The following BTRC variants were observed in gnomAD, a reference collection of about 807,000 sequenced individuals.
BTRC encodes beta-transducin repeat containing E3 ubiquitin protein ligase, also known as F-box/WD repeat-containing protein 1A.
In BTRC, 42 loss-of-function variants were observed where a neutral mutation model predicts 85.5. The ratio of observed to expected loss-of-function variants is 0.49; its 90% confidence interval spans 0.38 to 0.64. BTRC has a LOEUF of 0.64. BTRC is among the 30% of genes least tolerant of loss of function. BTRC has a pLI of 0.00. For synonymous variants in BTRC, 255 were observed against 263.3 expected (o/e 0.97, Z 0.30); for missense variants, 594 against 743.5 (o/e 0.80, Z 2.34).
At chr10:101,484,282 C>CGGAT (rs1180875454) in intron 4 of BTRC, among the ~76,000 whole-genome samples, 1 of 152,086 alleles carries the variant, frequency 6.6e-6, no homozygotes, top group Non-Finnish European at 1.5e-5. Context: ...AAATTATATC[C>CGGAT]GCAGGAAACA....
intron 1 of BTRC, among the ~76,000 whole-genome samples, chr10:101,427,996 G>C (rs1173609049): frequency 2.0e-5 from 3 of 152,092 alleles, no homozygotes; most frequent in African/African-American, 7.2e-5. Context: ...CAACAGCAAG[G>C]AAGCTTTTTT....
chr10:101,510,584 A>AAT (rs1343292678), intron 4 of BTRC, among the ~76,000 whole-genome samples: 2 of 152,066 alleles, frequency 1.3e-5, no homozygotes, highest in African/African-American at 4.8e-5. Flanking sequence ...TAGAGAGTAT[A>AAT]ATATAGACTT....
rs1342006621 is a variant in BTRC at position 101,550,851 on chromosome 10, C to T, written c.1809C>T (p.Ile603=). 1 of 1,613,648 alleles carries T rather than the reference C, an allele frequency of 6.2e-7. No individual in the cohort carries two copies. The highest frequency in any genetic ancestry group is 8.5e-7 in the Non-Finnish European group (1 of 1,179,652). ...CCCCTTCTCGAACATACACCTACAT[C>T]TCCAGATAAATAACCATACACTGAC... ...PRSPSRTYTY[I]SR The change falls in exon 14 of 15, where the codon ATC becomes ATT. Residue 603 remains isoleucine, a synonymous_variant. Transcript: ENST00000370187.
intron 2 of BTRC, among the ~76,000 whole-genome samples, chr10:101,444,691 G>A (rs1229846373): frequency 6.6e-6 from 1 of 152,162 alleles, no homozygotes; most frequent in Non-Finnish European, 1.5e-5. Context: ...ATTACAAATA[G>A]CACCCTCAGT....
At chr10:101,394,115 ATAT>A (rs1057490528) in intron 1 of BTRC, among the ~76,000 whole-genome samples, 18 of 152,298 alleles carry the variant, frequency 1.2e-4, no homozygotes, top group African/African-American at 4.1e-4. Flanking sequence ...TATTTAGAAG[ATAT>A]TATGGAGCTA....
rs1459944253 is a variant in BTRC, at chr10:101,526,028, A to C, written c.572A>C (p.His191Pro). ...CTACTGAAAGCTCGGGGATTGGATCATATTGCTGAGAACATTCTGTCATAC... is the reference window on the plus strand; with the variant it reads ...CTACTGAAAGCTCGGGGATTGGATCCTATTGCTGAGAACATTCTGTCATAC... The part of the protein sequence containing the change: ...ITALPARGLD[H>P]IAENILSYLD... Residue 191 changes from histidine (H) to proline (P), a missense_variant, in exon 6 of 15, where the codon CAT (histidine) becomes CCT (proline). His to Pro is a moderately conservative substitution (Grantham distance 77). Coordinates refer to ENST00000370187, the MANE Select transcript of BTRC (RefSeq NM_033637.4). The C allele has an allele frequency of 5.0e-6, 8 of 1,613,962 alleles. No homozygotes were observed. The East Asian group carries it at 1.8e-4, about 36-fold the overall frequency.
At chr10:101,543,615 C>CT (rs60958588) in intron 13 of BTRC, among the ~76,000 whole-genome samples, 46,932 of 146,998 alleles carry the variant, frequency 0.32, 9,522 homozygotes, top group East Asian at 0.66. Context: ...TTTTCATGCT[C>CT]TTTTTTTTTT....
At chr10:101,455,215 TA>T (rs1176554076) in intron 2 of BTRC, among the ~76,000 whole-genome samples, 1 of 134,526 alleles carries the variant, frequency 7.4e-6, no homozygotes, top group Admixed American at 7.8e-5. Context: ...TATGCCCAGC[TA>T]ATTTTTTTTT....
chr10:101,448,266 C>T (rs1466707567), intron 2 of BTRC, among the ~76,000 whole-genome samples: 1 of 152,036 alleles, frequency 6.6e-6, no homozygotes, highest in Non-Finnish European at 1.5e-5. Context: ...GGAGAAAAAA[C>T]ATCTTTTAAA....
intron 4 of BTRC, among the ~76,000 whole-genome samples, chr10:101,495,626 G>A (rs1946239748): frequency 6.6e-6 from 1 of 152,060 alleles, no homozygotes; most frequent in African/African-American, 2.4e-5. Context: ...GCTCTTCTGT[G>A]GCAAAAATTT....
chr10:101,427,160 C>T (rs1334993371), intron 1 of BTRC, among the ~76,000 whole-genome samples: 2 of 140,646 alleles, frequency 1.4e-5, no homozygotes, highest in Non-Finnish European at 3.0e-5. Flanking sequence ...GTTCTGTCGC[C>T]AGGCTGGAGT....
intron 1 of BTRC, among the ~76,000 whole-genome samples, chr10:101,379,405 G>A (rs537499108): frequency 3.6e-4 from 55 of 152,032 alleles, no homozygotes; most frequent in Non-Finnish European, 6.6e-4. Flanking sequence ...GAAAGCATTC[G>A]TGTTAAAAAG....
rs1008463055 is a variant in BTRC, at chr10:101,553,551, C to G, written c.*428C>G. On this transcript the variant is annotated 3_prime_UTR_variant, in exon 15 of 15. Coordinates refer to ENST00000370187, the MANE Select transcript of BTRC (RefSeq NM_033637.4). ...CCTGTATAGCCTGCTGGGAGAGACC[C>G]ACTTCTAGGGTATGGGGGATGCAGC... 1.3e-5 allele frequency: 2 copies of G among 152,600 alleles called. No homozygotes were observed. Among genetic ancestry groups the G allele is most frequent in the Admixed American group, 1.3e-4 (2 of 15,274 alleles). 9.5% of individuals were successfully genotyped at this position (152,600 alleles called of 1,614,324 possible). A position where few individuals can be genotyped will look rare whatever the true frequency, so the allele number is the denominator to read the frequency against.
intron 4 of BTRC, among the ~76,000 whole-genome samples, chr10:101,508,294 C>G (rs1946594507): frequency 6.6e-6 from 1 of 152,140 alleles, no homozygotes; most frequent in African/African-American, 2.4e-5. Context: ...GGAATGACTG[C>G]AAGCTTTTTC....
intron 1 of BTRC, among the ~76,000 whole-genome samples, chr10:101,411,783 T>A (rs1943786988): frequency 7.8e-6 from 1 of 128,502 alleles, no homozygotes; most frequent in Non-Finnish European, 1.9e-5. Flanking sequence ...GTGCCTCTTG[T>A]CTTGTAATTT....
At chr10:101,509,654 G>A (rs2134324055) in intron 4 of BTRC, among the ~76,000 whole-genome samples, 1 of 149,574 alleles carries the variant, frequency 6.7e-6, no homozygotes, top group East Asian at 2.0e-4. Flanking sequence ...CCAGGCTCAA[G>A]TAATCCTCCC....
At chr10:101,444,488 T>A (rs943764766) in intron 2 of BTRC, among the ~76,000 whole-genome samples, 6 of 152,202 alleles carry the variant, frequency 3.9e-5, no homozygotes, top group Non-Finnish European at 8.8e-5. Flanking sequence ...AACCTGTTTT[T>A]CACAGAGTGT....
At chr10:101,360,979 A>AT (rs914072375) in intron 1 of BTRC, among the ~76,000 whole-genome samples, 5 of 148,838 alleles carry the variant, frequency 3.4e-5, no homozygotes, top group Admixed American at 1.3e-4. Context: ...CTATATTTTT[A>AT]TTTTTTTGTA....
At chr10:101,504,048 A>G (rs1946456079) in intron 4 of BTRC, among the ~76,000 whole-genome samples, 1 of 152,208 alleles carries the variant, frequency 6.6e-6, no homozygotes, top group African/African-American at 2.4e-5. Context: ...TTCTGATGCT[A>G]ACTGAAGGGA....
Sources: gnomAD v4.1 joint callset for allele counts (sites outside exome capture counted in the v4.1 genomes callset) on GRCh38, gnomAD v4.1.1 for gene constraint, MANE v1.5 for transcripts, NCBI Gene and HGNC (gene_info 2026-07-23, HGNC 2026-07-21) for gene names.